SRGAP3: variants seen among roughly 807,000 people sequenced by gnomAD.
The protein encoded by SRGAP3 is SLIT-ROBO Rho GTPase activating protein 3.
Under a neutral mutation model 121.1 loss-of-function variants are expected in SRGAP3, and 39 were observed. The ratio of observed to expected loss-of-function variants is 0.32; its 90% CI spans 0.25 to 0.42. The LOEUF (loss-of-function observed/expected upper bound fraction) is 0.42, where lower values mean the gene tolerates loss of function less well. Ranked by LOEUF, SRGAP3 falls within the 10% of genes least tolerant of loss-of-function variation. The probability of loss-of-function intolerance (pLI) is 1.00; values close to 1 mark genes in which losing one functional copy is unlikely to be tolerated. For synonymous variants in SRGAP3, 601 were observed against 570.0 expected, an observed-to-expected ratio of 1.05 and a Z score of -0.77; for missense variants, 1,213 against 1,470.6, an observed-to-expected ratio of 0.82 and a Z score of 2.86.
intron 1 of SRGAP3, among the ~76,000 whole-genome samples, chr3:9,347,201 T>C (rs1356084195): frequency 6.6e-6 from 1 of 152,112 alleles, no homozygotes; most frequent in Non-Finnish European, 1.5e-5. Flanking sequence ...GGTATTGCTC[T>C]GCTGCCCAGG....
chr3:9,115,888 C>T (rs1049475704), intron 2 of SRGAP3, among the ~76,000 whole-genome samples: 2 of 152,020 alleles, frequency 1.3e-5, no homozygotes, highest in African/African-American at 2.4e-5. Context: ...AACCAAAAAA[C>T]TAAATTCAAC....
At chr3:9,114,113 C>A (rs900614273) in intron 2 of SRGAP3, among the ~76,000 whole-genome samples, 2 of 152,136 alleles carry the variant, frequency 1.3e-5, no homozygotes, top group African/African-American at 4.8e-5. Flanking sequence ...AGTTGGGGTG[C>A]TATTGAGTCA....
At chr3:9,135,586 T>C (rs1949615130) in intron 1 of SRGAP3, among the ~76,000 whole-genome samples, 2 of 152,258 alleles carry the variant, frequency 1.3e-5, no homozygotes, top group African/African-American at 4.8e-5. Context: ...ATCTGCACTG[T>C]GAAGCCTTGG....
intron 1 of SRGAP3, among the ~76,000 whole-genome samples, chr3:9,243,401 G>A (rs899480188): frequency 1.3e-5 from 2 of 152,060 alleles, no homozygotes. Flanking sequence ...TTGGGAGGCC[G>A]AGGCAGGCGG....
chr3:9,361,158 A>C (rs918418535), intron 1 of SRGAP3, among the ~76,000 whole-genome samples: 5 of 152,178 alleles, frequency 3.3e-5, no homozygotes, highest in Non-Finnish European at 5.9e-5. Context: ...GCTGAAGTGC[A>C]GTGATGTGAT....
At chr3:9,222,800 T>G (rs950233995) in intron 1 of SRGAP3, among the ~76,000 whole-genome samples, 3 of 152,196 alleles carry the variant, frequency 2.0e-5, no homozygotes, top group Non-Finnish European at 4.4e-5. Context: ...TAGCAGACAC[T>G]CAGAGCATTT....
chr3:9,225,913 TG>T (rs34716946), intron 1 of SRGAP3, among the ~76,000 whole-genome samples: 52,965 of 151,974 alleles, frequency 0.35, 9,808 homozygotes, highest in Admixed American at 0.45. Flanking sequence ...TAAAAGCTGC[TG>T]GGAAGTCCAT....
intron 1 of SRGAP3, chr3:9,192,947 C>T: frequency 1.3e-5 from 2 of 155,000 alleles, no homozygotes; most frequent in Non-Finnish European, 2.8e-5. Context: ...GGGAGGAGAG[C>T]TGAAGCAGGA....
intron 3 of SRGAP3, among the ~76,000 whole-genome samples, chr3:9,096,937 G>T (rs1267207300): frequency 2.4e-4 from 15 of 61,318 alleles, no homozygotes; most frequent in Admixed American, 9.4e-4. Flanking sequence ...ACATTATTTT[G>T]TATATATATA....
chr3:9,174,808 G>A (rs1951117935), intron 1 of SRGAP3, among the ~76,000 whole-genome samples: 1 of 152,188 alleles, frequency 6.6e-6, no homozygotes, highest in Non-Finnish European at 1.5e-5. Flanking sequence ...ATCCTCCCGA[G>A]GAGGAATCAG....
intron 3 of SRGAP3, among the ~76,000 whole-genome samples, chr3:9,282,477 A>ATTTGTT (rs200450741): frequency 0.066 from 9,949 of 151,672 alleles, 1,053 homozygotes; most frequent in African/African-American, 0.22. Flanking sequence ...GTTATGATAT[A>ATTTGTT]TTTGTTTTTG....
chr3:9,124,247 G>T (rs1949134391), intron 2 of SRGAP3, among the ~76,000 whole-genome samples: 1 of 152,192 alleles, frequency 6.6e-6, no homozygotes, highest in Non-Finnish European at 1.5e-5. Context: ...CTCCAGGAGA[G>T]CAAGGAAGAG....
chr3:8,987,955 G>A (rs916814611), intron 21 of SRGAP3, among the ~76,000 whole-genome samples: 1 of 152,132 alleles, frequency 6.6e-6, no homozygotes, highest in African/African-American at 2.4e-5. Flanking sequence ...AGTCCAGCAT[G>A]AGCTGCATGG....
chr3:8,982,333 A>G lies in SRGAP3; in HGVS notation c.*3186T>C, dbSNP rs341791. 0.68 allele frequency: 154,040 copies of G among 225,594 alleles called. 52,998 individuals are homozygous for G. Among genetic ancestry groups the G allele is most frequent in the Middle Eastern group, 0.79 (584 of 742 alleles). 14.0% of individuals were successfully genotyped at this position (225,594 alleles called of 1,614,324 possible). On this transcript the variant is annotated 3_prime_UTR_variant, in exon 22 of 22. Coordinates refer to ENST00000383836, the MANE Select transcript of SRGAP3 (RefSeq NM_014850.4). ...AACTAACTGATCAGTACGGCTTTCA[A>G]TAATGGTGATGAACAAGTAGGTAAA...
chr3:8,993,314 T>C (rs1440791163), intron 19 of SRGAP3, among the ~76,000 whole-genome samples: 7 of 152,222 alleles, frequency 4.6e-5, no homozygotes. Flanking sequence ...AGCTTGTTCA[T>C]TCCCAGGCAG....
intron 6 of SRGAP3, 196 bp from the exon 7 acceptor site, chr3:9,058,668 G>A (rs1253898084): frequency 1.7e-6 from 1 of 599,048 alleles, no homozygotes; most frequent in African/African-American, 1.9e-5. Flanking sequence ...TGAGATTTGG[G>A]CAATAGCAGA....
chr3:9,101,050 GGAT>G (rs1948196014), intron 3 of SRGAP3, among the ~76,000 whole-genome samples: 1 of 152,182 alleles, frequency 6.6e-6, no homozygotes, highest in Non-Finnish European at 1.5e-5. Context: ...GGCCCTCTAG[GGAT>G]GATCAGGACC....
At chr3:9,157,737 A>G (rs1459611881) in intron 1 of SRGAP3, among the ~76,000 whole-genome samples, 1 of 152,246 alleles carries the variant, frequency 6.6e-6, no homozygotes, top group African/African-American at 2.4e-5. Flanking sequence ...GAATCCTAAG[A>G]GGAAAATGAA....
chr3:9,320,583 A>G (rs967026554), intron 3 of SRGAP3, among the ~76,000 whole-genome samples: 2 of 151,942 alleles, frequency 1.3e-5, no homozygotes, highest in Non-Finnish European at 2.9e-5. Context: ...TCTCCTCAGC[A>G]GCAGAAGCTG....
Sources: gnomAD v4.1 joint callset for allele counts (sites outside exome capture counted in the v4.1 genomes callset) on GRCh38, gnomAD v4.1.1 for gene constraint, MANE v1.5 for transcripts, NCBI Gene and HGNC (gene_info 2026-07-23, HGNC 2026-07-21) for gene names.